Variants in NIBAN2 observed in about 807,000 individuals in gnomAD.
NIBAN2 encodes protein Niban 2.
A neutral mutation model predicts 81.8 loss-of-function variants in NIBAN2; 36 were observed. That is an observed-to-expected ratio of 0.44 (90% CI 0.34 to 0.58). The LOEUF is 0.58. NIBAN2 is among the 20% of genes least tolerant of loss of function. The probability of loss-of-function intolerance (pLI) is 0.02; values close to 1 mark genes in which losing one functional copy is unlikely to be tolerated. For synonymous variants in NIBAN2, 445 were observed against 441.6 expected, an observed-to-expected ratio of 1.01 and a Z score of -0.10; for missense variants, 897 against 1,014.1, an observed-to-expected ratio of 0.88 and a Z score of 1.57.
intron 5 of NIBAN2, among the ~76,000 whole-genome samples, chr9:127,519,792 G>A (rs1836901008): frequency 1.3e-5 from 2 of 152,202 alleles, no homozygotes; most frequent in South Asian, 4.1e-4. Context: ...CCTGGGTGGG[G>A]GCTGCCCACC....
At position 127,507,289 on chromosome 9, in the gene NIBAN2, G is replaced by A. The variant is rs977359500; in HGVS notation, c.1797C>T (p.Gly599=). The A allele has an allele frequency of 3.2e-5, 50 of 1,565,364 alleles. No individual in the cohort carries two copies. Among genetic ancestry groups the A allele is most frequent in the Non-Finnish European group, 4.1e-5 (47 of 1,155,526 alleles). The change falls in exon 14 of 14, where the codon GGC becomes GGT. Residue 599 remains glycine (G), a synonymous_variant. Coordinates refer to ENST00000373312, the MANE Select transcript of NIBAN2 (RefSeq NM_022833.4). The surrounding 1 kb of genome is among the most constrained non-coding windows in gnomAD (Gnocchi z 6.8). ...CCGGGGTGCTGGGGCTGGGGCTGCCGCCCCCGCCGCTGTTGCTGTACTCCT... is the reference window on the plus strand; with the variant it reads ...CCGGGGTGCTGGGGCTGGGGCTGCCACCCCCGCCGCTGTTGCTGTACTCCT... The part of the protein sequence containing the change: ...WGEEYSNSGG[G]GSPSPSTPES...
At position 127,508,290 on chromosome 9, in the gene NIBAN2, T is replaced by G; in HGVS notation, c.1435-90A>C. The G allele has an allele frequency of 1.5e-6, 2 of 1,335,824 alleles. No individual in the cohort carries two copies. Among genetic ancestry groups the G allele is most frequent in the Non-Finnish European group, 2.1e-6 (2 of 941,114 alleles). 82.7% of individuals were successfully genotyped at this position (1,335,824 alleles called of 1,614,324 possible). On this transcript the variant is annotated intron_variant, in intron 11 of 13. Transcript: ENST00000373312. The surrounding 1 kb of genome is among the most constrained non-coding windows in gnomAD (Gnocchi z 6.4). ...CGAGGCCAGTGGTCTGACCCAAGCCTCCGAGTCCTCATCCGCACAAGAGGA... is the reference window on the plus strand; with the variant it reads ...CGAGGCCAGTGGTCTGACCCAAGCCGCCGAGTCCTCATCCGCACAAGAGGA...
intron 5 of NIBAN2, among the ~76,000 whole-genome samples, chr9:127,518,351 G>A (rs1382301926): frequency 1.3e-5 from 2 of 152,202 alleles, no homozygotes; most frequent in Non-Finnish European, 2.9e-5. Context: ...CAGCCACCCA[G>A]AATGGCCCTA....
Position 127,507,605 on chromosome 9 carries a change from C to A in NIBAN2, c.1655-174G>T, listed in dbSNP as rs1171883230. 2.0e-5 allele frequency among the ~76,000 whole-genome samples: 3 copies of A among 152,200 alleles called. No individual in the cohort carries two copies. The highest frequency in any genetic ancestry group is 2.9e-5 in the Non-Finnish European group (2 of 68,036). On this transcript the variant is annotated intron_variant, in intron 13 of 13. Transcript: ENST00000373312. This position sits in a 1 kb window ranked among gnomAD's most constrained non-coding sequence, Gnocchi z 6.8. ...GCAAGGCCGTGATGCTATCTCCAGG[C>A]CCAGGCTGCTGACCACATGTCATCT...
rs779718518 is a variant in NIBAN2, at chr9:127,517,105, C to T, written c.810+7G>A. On this transcript the variant is annotated splice_region_variant and intron_variant, in intron 7 of 13. Transcript: ENST00000373312. This position sits in a 1 kb window ranked among gnomAD's most constrained non-coding sequence, Gnocchi z 4.0. Reference sequence around the variant, plus strand: ...CGTCCCCGCTCCAGGGCCCCAGGCCCACCCACCTGGATCCACTGCCGCTGC... The same window carrying T: ...CGTCCCCGCTCCAGGGCCCCAGGCCTACCCACCTGGATCCACTGCCGCTGC... 6.2e-7 allele frequency: 1 copy of T among 1,612,896 alleles called. No homozygotes were observed. The highest frequency in any genetic ancestry group is 1.1e-5 in the South Asian group (1 of 91,002).
At chr9:127,564,571 G>C (rs915759729) in intron 1 of NIBAN2, among the ~76,000 whole-genome samples, 1 of 152,122 alleles carries the variant, frequency 6.6e-6, no homozygotes, top group Non-Finnish European at 1.5e-5. Context: ...CAGAAGCATA[G>C]AGTAATATCT....
At position 127,517,007 on chromosome 9, in the gene NIBAN2, C is replaced by G. The variant is rs750580619; in HGVS notation, c.823G>C (p.Val275Leu). 3 of 1,613,390 alleles carry G rather than the reference C, an allele frequency of 1.9e-6. No homozygotes were observed. The highest frequency in any genetic ancestry group is 2.5e-6 in the Non-Finnish European group (3 of 1,179,722). ...GCCTGCTCGTACACCATGTGGTACACGGCGTCCGAGATCTGTGGGCAGAGC... is the reference window on the plus strand; with the variant it reads ...GCCTGCTCGTACACCATGTGGTACAGGGCGTCCGAGATCTGTGGGCAGAGC... ...QRQWIQISDAVYHMVYEQAKA... is the reference protein window; with the variant it reads ...QRQWIQISDALYHMVYEQAKA... Residue 275 changes from valine to leucine, a missense_variant, in exon 8 of 14, where the codon GTG becomes CTG. Val to Leu is a conservative substitution (Grantham distance 32). Around this residue, in one of 3 missense-constraint regions of NIBAN2, gnomAD observed 619 missense variants for 691.0 expected, o/e 0.90. Coordinates refer to ENST00000373312, the MANE Select transcript of NIBAN2 (RefSeq NM_022833.4). The surrounding 1 kb of genome is among the most constrained non-coding windows in gnomAD (Gnocchi z 4.0).
intron 1 of NIBAN2, among the ~76,000 whole-genome samples, chr9:127,547,483 C>A (rs1338656084): frequency 6.6e-6 from 1 of 151,676 alleles, no homozygotes; most frequent in African/African-American, 2.4e-5. Context: ...CGCCACTGCA[C>A]TCCAGCCTGG....
At chr9:127,527,098 ACGGTGG>A in intron 3 of NIBAN2, 90 bp downstream of exon 3, 2 of 1,489,992 alleles carry the variant, frequency 1.3e-6, no homozygotes, top group Non-Finnish European at 1.8e-6. Flanking sequence ...GCAGGCTGTG[ACGGTGG>A]CGTCTGGGGC....
rs926595160 is a variant in NIBAN2 at position 127,508,747 on chromosome 9, C to T, written c.1318-209G>A. The stretch of plus-strand genomic sequence containing the variant: ...GGAAATATGGGAAGGGGCCTGGGGG[C>T]GCAAGGAGAGCTTCCTGGAGGAAGG... On this transcript the variant is annotated intron_variant, in intron 10 of 13. Transcript: ENST00000373312. The surrounding 1 kb of genome is among the most constrained non-coding windows in gnomAD (Gnocchi z 6.4). 1.3e-4 allele frequency among the ~76,000 whole-genome samples: 20 copies of T among 151,918 alleles called. No homozygotes were observed. The highest frequency in any genetic ancestry group is 3.4e-4 in the African/African-American group (14 of 41,354).
intron 1 of NIBAN2, among the ~76,000 whole-genome samples, chr9:127,532,185 C>T (rs535295635): frequency 6.6e-6 from 1 of 152,332 alleles, no homozygotes; most frequent in Non-Finnish European, 1.5e-5. Context: ...TAGGAATCTA[C>T]CCCCATAGAA....
At chr9:127,532,204 A>G (rs1837197250) in intron 1 of NIBAN2, among the ~76,000 whole-genome samples, 2 of 152,222 alleles carry the variant, frequency 1.3e-5, no homozygotes. Flanking sequence ...AACGATTCGC[A>G]GGACACAAAG....
At chr9:127,523,653 C>T (rs76800078) in intron 5 of NIBAN2, 26 bp downstream of exon 5, 13 of 1,592,288 alleles carry the variant, frequency 8.2e-6, no homozygotes, top group Admixed American at 1.7e-5. Flanking sequence ...TCCCTCCCAC[C>T]GACCCTGCAC....
rs550276230 is a variant in NIBAN2 at position 127,506,060 on chromosome 9, G to A, written c.*785C>T. ...ACCTGTGGGCCAGGCGGGCAGGAGG[G>A]AGGCAGGCTGGGGCCGGGAGAAGGG... On this transcript the variant is annotated 3_prime_UTR_variant, in exon 14 of 14. Transcript: ENST00000373312. 5.2e-5 allele frequency: 8 copies of A among 153,286 alleles called. 1 individual carries two copies. Among genetic ancestry groups the A allele is most frequent in the African/African-American group, 1.2e-4 (5 of 41,526 alleles). 9.5% of individuals were successfully genotyped at this position (153,286 alleles called of 1,614,324 possible).
intron 9 of NIBAN2, 157 bp downstream of exon 9, chr9:127,509,989 C>T: frequency 1.6e-6 from 1 of 612,134 alleles, no homozygotes; most frequent in East Asian, 3.0e-5. Flanking sequence ...ACAGCCCTGG[C>T]CTCACAGCCT....
chr9:127,570,189 A>T (rs1290372765), upstream of NIBAN2, among the ~76,000 whole-genome samples: 1 of 152,218 alleles, frequency 6.6e-6, no homozygotes, highest in Non-Finnish European at 1.5e-5. Flanking sequence ...TGACTGTGGC[A>T]TAAGGCAGGA....
chr9:127,525,855 C>A (rs1337496474), intron 3 of NIBAN2, among the ~76,000 whole-genome samples: 2 of 152,170 alleles, frequency 1.3e-5, no homozygotes, highest in African/African-American at 4.8e-5. Context: ...CCCTGAACTG[C>A]CCCCACCAAT....
rs1012994705 is a variant in NIBAN2 at position 127,517,622 on chromosome 9, G to A, written c.705+204C>T. Among the ~76,000 whole-genome samples the A allele has an allele frequency of 6.6e-6, 1 of 152,298 alleles. No individual in the cohort carries two copies. The highest frequency in any genetic ancestry group is 6.5e-5 in the Admixed American group (1 of 15,300). ...GCACCCCAGTGCCTCGTCCAGGGTA[G>A]GTGCTCAGATGCCCAGTAAGTGATG... On this transcript the variant is annotated intron_variant, in intron 6 of 13. Transcript: ENST00000373312. The surrounding 1 kb of genome is among the most constrained non-coding windows in gnomAD (Gnocchi z 4.0).
chr9:127,527,080 G>T, intron 3 of NIBAN2, 114 bp downstream of exon 3: 2 of 1,343,880 alleles, frequency 1.5e-6, no homozygotes, highest in Non-Finnish European at 2.1e-6. Flanking sequence ...TGGCCCTGGT[G>T]ACCGCGTGCA....
Sources: gnomAD v4.1 joint callset for allele counts (sites outside exome capture counted in the v4.1 genomes callset) on GRCh38, gnomAD v4.1.1 for gene constraint, gnomAD v4.1.1 regional missense constraint, Gnocchi (gnomAD v3.1) non-coding constraint, MANE v1.5 for transcripts, NCBI Gene and HGNC (gene_info 2026-07-23, HGNC 2026-07-21) for gene names.